Variants in NAV2 observed in about 807,000 individuals in gnomAD.
The protein encoded by NAV2 is neuron navigator 2.
A neutral mutation model predicts 223.2 loss-of-function variants in NAV2; 54 were observed. The observed-to-expected ratio is 0.24, with a 90% CI of 0.19 to 0.30. The LOEUF (loss-of-function observed/expected upper bound fraction) is 0.30. Ranked by LOEUF, NAV2 falls within the 10% of genes least tolerant of loss-of-function variation. The probability of loss-of-function intolerance (pLI) is 1.00; values close to 1 mark genes in which losing one functional copy is unlikely to be tolerated. For missense variants in NAV2, 2,806 were observed against 3,147.5 expected (o/e 0.89, Z 2.60); for synonymous variants, 1,279 against 1,239.3 (o/e 1.03, Z -0.67).
At chr11:20,002,938 T>C (rs2052699617) in intron 11 of NAV2, among the ~76,000 whole-genome samples, 1 of 152,208 alleles carries the variant, frequency 6.6e-6, no homozygotes, top group Admixed American at 6.5e-5. Flanking sequence ...GGCCACCTCC[T>C]AATGATTAAA....
At chr11:20,034,483 AATC>A (rs1414350686) in intron 11 of NAV2, among the ~76,000 whole-genome samples, 1 of 151,758 alleles carries the variant, frequency 6.6e-6, no homozygotes, top group Non-Finnish European at 1.5e-5. Context: ...GGGTTCAAGC[AATC>A]ATCCTGCCTC....
chr11:19,469,825 C>G (rs2041906145), intron 1 of NAV2, among the ~76,000 whole-genome samples: 1 of 152,230 alleles, frequency 6.6e-6, no homozygotes, highest in Non-Finnish European at 1.5e-5. Context: ...AATTTTCTCA[C>G]CTAGGCAGCT....
At chr11:19,712,671 T>TA (rs2049953314), upstream of NAV2, 1 of 152,152 alleles carries the variant, frequency 6.6e-6, no homozygotes. Flanking sequence ...GCCCGCTTTG[T>TA]ACTCGCGGCC....
chr11:19,617,218 G>A (rs1021096059), intron 1 of NAV2, among the ~76,000 whole-genome samples: 4 of 152,152 alleles, frequency 2.6e-5, no homozygotes, highest in South Asian at 4.1e-4. Context: ...GGGAAAGGAT[G>A]TATCTTTGAA....
At chr11:19,508,212 C>CTGA (rs1311320663) in intron 1 of NAV2, among the ~76,000 whole-genome samples, 1 of 152,124 alleles carries the variant, frequency 6.6e-6, no homozygotes, top group Non-Finnish European at 1.5e-5. Context: ...GGCTGTCCTA[C>CTGA]TGATTCCTCT....
intron 1 of NAV2, among the ~76,000 whole-genome samples, chr11:19,805,642 G>C (rs947351467): frequency 6.6e-6 from 1 of 152,194 alleles, no homozygotes; most frequent in African/African-American, 2.4e-5. Flanking sequence ...AATTTCATGA[G>C]CTGTGAGCTG....
chr11:19,794,707 C>T (rs187444790), intron 1 of NAV2, among the ~76,000 whole-genome samples: 10 of 152,048 alleles, frequency 6.6e-5, no homozygotes, highest in African/African-American at 1.9e-4. Flanking sequence ...GGGGGAGGGA[C>T]CTAAGTGCCA....
rs78347804 is a variant in NAV2 at position 20,003,078 on chromosome 11, C to A, written c.2768+18831C>A. On this transcript the variant is annotated intron_variant, in intron 11 of 37. Transcript: ENST00000349880. Reference sequence around the variant, plus strand: ...ATGCTTTCTGTCCTAAGCAACTAGCCCTTCAGGCAGAGCCCAGAAAACAAA... The same window carrying A: ...ATGCTTTCTGTCCTAAGCAACTAGCACTTCAGGCAGAGCCCAGAAAACAAA... Among the ~76,000 whole-genome samples the A allele has an allele frequency of 7.6e-3, 1,156 of 152,312 alleles. 17 individuals carry two copies. Among genetic ancestry groups the A allele is most frequent in the African/African-American group, 0.026 (1,100 of 41,578 alleles).
intron 1 of NAV2, among the ~76,000 whole-genome samples, chr11:19,637,689 G>A (rs1367490284): frequency 6.6e-6 from 1 of 152,210 alleles, no homozygotes; most frequent in Non-Finnish European, 1.5e-5. Context: ...GGTGGAGGAT[G>A]TCACACACTT....
Position 19,594,141 on chromosome 11 carries a change from A to T in NAV2, c.76-238343A>T, listed in dbSNP as rs549836920. On this transcript the variant is annotated intron_variant, in intron 1 of 37. Coordinates refer to the NAV2 transcript ENST00000360655. ...CAGATGGAGCTCAGACCAAAGGTAC[A>T]GTAGCTCTAGGTACCTTGGTTGCAT... Among the ~76,000 whole-genome samples the T allele has an allele frequency of 1.2e-4, 19 of 152,290 alleles. No individual in the cohort carries two copies. The East Asian group carries it at 2.9e-3, about 23-fold the overall frequency.
intron 6 of NAV2, among the ~76,000 whole-genome samples, chr11:19,893,352 G>A (rs1300925663): frequency 6.6e-6 from 1 of 152,110 alleles, no homozygotes; most frequent in Non-Finnish European, 1.5e-5. Flanking sequence ...AGGCAAAGTA[G>A]TCTAGACATC....
chr11:20,049,373 C>A, intron 15 of NAV2, 178 bp downstream of exon 15: 1 of 595,468 alleles, frequency 1.7e-6, no homozygotes, highest in South Asian at 2.3e-5. Flanking sequence ...GCTCTGCTCC[C>A]TGTTATCTTT....
chr11:20,057,159 A>C (rs780696878), intron 19 of NAV2, among the ~76,000 whole-genome samples: 5 of 152,150 alleles, frequency 3.3e-5, no homozygotes, highest in Admixed American at 6.5e-5. Flanking sequence ...AGTAGGGAAA[A>C]AGGGCCAGCA....
intron 2 of NAV2, among the ~76,000 whole-genome samples, chr11:19,835,065 T>G (rs983744183): frequency 6.6e-6 from 1 of 152,176 alleles, no homozygotes; most frequent in Non-Finnish European, 1.5e-5. Context: ...AATGGGAGTA[T>G]GTATGTTGTG....
At chr11:19,632,630 G>A (rs953760149) in intron 1 of NAV2, among the ~76,000 whole-genome samples, 1 of 152,186 alleles carries the variant, frequency 6.6e-6, no homozygotes, top group Non-Finnish European at 1.5e-5. Context: ...AACTCAGCAG[G>A]GAAAGATGTG....
chr11:20,090,300 T>C (rs969761446), intron 26 of NAV2, among the ~76,000 whole-genome samples: 2 of 152,202 alleles, frequency 1.3e-5, no homozygotes, highest in Admixed American at 6.5e-5. Flanking sequence ...CCCAGCTGTG[T>C]ACACATGGTG....
intron 1 of NAV2, among the ~76,000 whole-genome samples, chr11:19,607,087 A>C (rs1435880980): frequency 6.6e-6 from 1 of 152,248 alleles, no homozygotes; most frequent in Non-Finnish European, 1.5e-5. Context: ...CTTGCAGAGC[A>C]GGCCGGTAAC....
In NAV2 at chr11:20,103,524, T is replaced by C. The variant is rs549870483; in HGVS notation, c.6572+115T>C. ...GTGGGAGTGAAGCTGTGCACACGCATAGGGTTGGGAGTGGGAGGCAGCCAG... is the reference window on the plus strand; with the variant it reads ...GTGGGAGTGAAGCTGTGCACACGCACAGGGTTGGGAGTGGGAGGCAGCCAG... On this transcript the variant is annotated intron_variant, in intron 33 of 37. Transcript: ENST00000349880. 1.9e-5 allele frequency: 29 copies of C among 1,492,728 alleles called. No individual in the cohort carries two copies. The African/African-American group carries it at 2.2e-4, about 11-fold the overall frequency. 92.5% of individuals were successfully genotyped at this position (1,492,728 alleles called of 1,614,324 possible). A position where few individuals can be genotyped will look rare whatever the true frequency, so the allele number is the denominator to read the frequency against.
At chr11:19,771,167 A>G (rs58749061) in intron 1 of NAV2, among the ~76,000 whole-genome samples, 4,522 of 152,252 alleles carry the variant, frequency 0.03, 238 homozygotes, top group African/African-American at 0.1. Flanking sequence ...ACAAAGATGA[A>G]TAAGATAGAG....
Sources: gnomAD v4.1 joint callset for allele counts (sites outside exome capture counted in the v4.1 genomes callset) on GRCh38, gnomAD v4.1.1 for gene constraint, MANE v1.5 for transcripts, NCBI Gene and HGNC (gene_info 2026-07-23, HGNC 2026-07-21) for gene names.